AMPD1: variants seen among roughly 807,000 people sequenced by gnomAD.
The protein encoded by AMPD1 is AMP deaminase 1.
In AMPD1, 74 loss-of-function variants were observed where a neutral mutation model predicts 82.9. The observed-to-expected ratio is 0.89, with a 90% CI of 0.74 to 1.08. AMPD1 has a LOEUF of 1.08. Among genes scored for constraint, AMPD1 ranks in the 50% least tolerant of loss-of-function variants. AMPD1 has a pLI of 0.00. For missense variants in AMPD1, 881 were observed against 924.5 expected, an observed-to-expected ratio of 0.95 and a Z score of 0.61; for synonymous variants, 333 against 320.5, an observed-to-expected ratio of 1.04 and a Z score of -0.42.
At chr1:114,687,214 G>T (rs1658348594) in intron 3 of AMPD1, among the ~76,000 whole-genome samples, 1 of 152,020 alleles carries the variant, frequency 6.6e-6, no homozygotes, top group South Asian at 2.1e-4. Flanking sequence ...AGGAACTACA[G>T]AAAACACAGG....
chr1:114,684,450 G>C, intron 4 of AMPD1, 86 bp from the exon 5 acceptor site: 1 of 1,409,100 alleles, frequency 7.1e-7, no homozygotes, highest in Non-Finnish European at 9.8e-7. Flanking sequence ...GCACCTCCCA[G>C]CTCTCCTGTG....
In AMPD1 at chr1:114,673,630, C is replaced by T; in HGVS notation, c.2085+9G>A. The T allele has an allele frequency of 6.2e-7, 1 of 1,604,722 alleles. No individual in the cohort carries two copies. Among genetic ancestry groups the T allele is most frequent in the Non-Finnish European group, 8.5e-7 (1 of 1,171,570 alleles). ...ACTCAGAAGGGAAGCCATTTGAAGA[C>T]AGGTCTACCTCATGAGAAATTCCAC... On this transcript the variant is annotated intron_variant, in intron 15 of 15. Coordinates refer to ENST00000520113, the MANE Select transcript of AMPD1 (RefSeq NM_000036.3).
chr1:114,679,592 T>C lies in AMPD1; in HGVS notation c.884A>G (p.Tyr295Cys). ...TAAAATGTTTACCTTCCTGCAGTTA[T>C]AAAAATCTCGGTGGGGGTTGTTTTT... ...ELKNNPHRDF[Y>C]NCRKVDTHIH... Residue 295 changes from tyrosine (Y) to cysteine (C), a missense_variant, in exon 7 of 16, where the codon TAT becomes TGT. By Grantham distance (194) the Tyr-to-Cys change is radical. Transcript: ENST00000520113. The C allele has an allele frequency of 2.5e-6, 4 of 1,614,072 alleles. No individual in the cohort carries two copies. Among genetic ancestry groups the C allele is most frequent in the South Asian group, 1.1e-5 (1 of 91,074 alleles).
At chr1:114,677,670 A>T (rs1374254845) in intron 9 of AMPD1, among the ~76,000 whole-genome samples, 156 bp from the exon 10 acceptor site, 1 of 152,030 alleles carries the variant, frequency 6.6e-6, no homozygotes, top group Non-Finnish European at 1.5e-5. Context: ...TCTCTACCTT[A>T]GCAATAGAGG....
intron 5 of AMPD1, among the ~76,000 whole-genome samples, chr1:114,680,681 T>C (rs1268154650): frequency 6.6e-6 from 1 of 152,210 alleles, no homozygotes; most frequent in Non-Finnish European, 1.5e-5. Context: ...AAAAATAATA[T>C]ATTGGCCAGG....
At chr1:114,688,158 C>T (rs1658375142) in intron 3 of AMPD1, among the ~76,000 whole-genome samples, 2 of 151,812 alleles carry the variant, frequency 1.3e-5, no homozygotes, top group African/African-American at 2.4e-5. Context: ...GACAGACTCT[C>T]GCTCTGTCAC....
chr1:114,686,755 T>C lies in AMPD1; in HGVS notation c.371A>G (p.Tyr124Cys), dbSNP rs919263757. The change falls in exon 4 of 16, where the codon TAT becomes TGT. Residue 124 changes from tyrosine to cysteine, a missense_variant. Transcript: ENST00000520113. ...DFQRVQITGD[Y>C]ASGVTVEDFE... Reference sequence around the variant, plus strand: ...CAAGGACCAACTCACCCCAGAGGCATAGTCACCAGTAATCTGCACTCTCTG... The same window carrying C: ...CAAGGACCAACTCACCCCAGAGGCACAGTCACCAGTAATCTGCACTCTCTG... 2 of 1,613,952 alleles carry C rather than the reference T, an allele frequency of 1.2e-6. No homozygotes were observed. The highest frequency in any genetic ancestry group is 2.2e-5 in the East Asian group (1 of 44,876).
rs746197279 is a variant in AMPD1 at position 114,673,636 on chromosome 1, T to C, written c.2085+3A>G. 43 of 1,610,594 alleles carry C rather than the reference T, an allele frequency of 2.7e-5. No homozygotes were observed. In the South Asian group the frequency reaches 4.7e-4, roughly 18 times the overall value. ...AAGGGAAGCCATTTGAAGACAGGTC[T>C]ACCTCATGAGAAATTCCACACTGCA... On this transcript the variant is annotated splice_donor_region_variant and intron_variant, in intron 15 of 15. Transcript: ENST00000520113.
chr1:114,678,196 A>C, intron 8 of AMPD1, 137 bp downstream of exon 8: 2 of 1,461,378 alleles, frequency 1.4e-6, no homozygotes, highest in Non-Finnish European at 1.9e-6. Flanking sequence ...AGCAAACTTC[A>C]AAATTGTCTG....
At chr1:114,688,085 G>A (rs1462782391) in intron 3 of AMPD1, among the ~76,000 whole-genome samples, 1 of 151,944 alleles carries the variant, frequency 6.6e-6, no homozygotes, top group African/African-American at 2.4e-5. Flanking sequence ...TTCATCATTG[G>A]CCCCTCACTC....
intron 2 of AMPD1, among the ~76,000 whole-genome samples, chr1:114,692,939 C>G (rs1389375365): frequency 2.0e-5 from 3 of 151,260 alleles, no homozygotes; most frequent in African/African-American, 7.3e-5. Context: ...TCGAGACCAG[C>G]CTGGCCAACA....
At chr1:114,685,174 G>A (rs1362139131) in intron 4 of AMPD1, among the ~76,000 whole-genome samples, 1 of 152,174 alleles carries the variant, frequency 6.6e-6, no homozygotes, top group Non-Finnish European at 1.5e-5. Flanking sequence ...TTAAAGACCT[G>A]CTGTCCTTGG....
rs558478873 is a variant in AMPD1 at position 114,679,781 on chromosome 1, A to G, written c.768-73T>C. On this transcript the variant is annotated intron_variant, in intron 6 of 15. Coordinates refer to ENST00000520113, the MANE Select transcript of AMPD1 (RefSeq NM_000036.3). ...GAAAAACAGTCACAATTTCAAAACT[A>G]TCAGGACCTTTATCATTCATAGGAA... The G allele has an allele frequency of 4.9e-4, 739 of 1,520,348 alleles. 5 individuals are homozygous for G. In the South Asian group the frequency reaches 7.9e-3, roughly 16 times the overall value. The allele number at this position is 1,520,348 out of a possible 1,614,324, so 94.2% of individuals were successfully genotyped here.
In AMPD1 at chr1:114,686,826, A is replaced by T; in HGVS notation, c.300T>A (p.Asp100Glu). 1 of 1,614,098 alleles carries T rather than the reference A, an allele frequency of 6.2e-7. No homozygotes were observed. Among genetic ancestry groups the T allele is most frequent in the Non-Finnish European group, 8.5e-7 (1 of 1,179,942 alleles). Residue 100 changes from aspartate (D) to glutamate (E), a missense_variant, in exon 4 of 16, where the codon GAT (aspartate) becomes GAA (glutamate). By Grantham distance (45) the Asp-to-Glu change is conservative. Transcript: ENST00000520113. ...AGGTTGGAGATGAGGAAATGTATTCATCAATGTGGGACAGTTTGGTGGAAG... is the reference window on the plus strand; with the variant it reads ...AGGTTGGAGATGAGGAAATGTATTCTTCAATGTGGGACAGTTTGGTGGAAG... ...ETSSTKLSHI[D>E]EYISSSPTYQ...
chr1:114,677,807 T>TTCCG, intron 9 of AMPD1, 103 bp downstream of exon 9: 1 of 414,516 alleles, frequency 2.4e-6, no homozygotes, highest in Non-Finnish European at 3.6e-6. Flanking sequence ...CCCTCCTTCC[T>TTCCG]TCCTTCCTTC....
At position 114,680,242 on chromosome 1, in the gene AMPD1, T is replaced by C. The variant is rs1453001129; in HGVS notation, c.767+17A>G. 6.3e-7 allele frequency: 1 copy of C among 1,596,466 alleles called. No homozygotes were observed. On this transcript the variant is annotated intron_variant, in intron 6 of 15. Transcript: ENST00000520113. ...GTAGTACTAGTTGTTGTTGTTTAGG[T>C]CTCACTAAACACTTACACAGGTCCT... is the stretch of plus-strand genomic sequence containing the variant.
At position 114,695,397 on chromosome 1, in the gene AMPD1, A is replaced by C. The variant is rs1658645858; in HGVS notation, c.22+53T>G. 6 of 388,650 alleles carry C rather than the reference A, an allele frequency of 1.5e-5. No individual in the cohort carries two copies. The East Asian group carries it at 2.0e-4, about 13-fold the overall frequency. 24.1% of individuals were successfully genotyped at this position (388,650 alleles called of 1,614,324 possible). On this transcript the variant is annotated intron_variant, in intron 1 of 15. Transcript: ENST00000520113. ...TAGCTAAAGGAACAGTTGCTTGTCAAAAAAAAAAAAAAACAACAACAACTG... is the reference window on the plus strand; with the variant it reads ...TAGCTAAAGGAACAGTTGCTTGTCACAAAAAAAAAAAAACAACAACAACTG...
intron 7 of AMPD1, among the ~76,000 whole-genome samples, chr1:114,679,057 C>T (rs996392497): frequency 6.6e-6 from 1 of 152,168 alleles, no homozygotes; most frequent in Non-Finnish European, 1.5e-5. Context: ...ATTCCCACTT[C>T]CTTGTAATCA....
chr1:114,673,370 C>A, intron 15 of AMPD1, 98 bp from the exon 16 acceptor site: 1 of 1,369,828 alleles, frequency 7.3e-7, no homozygotes, highest in South Asian at 1.2e-5. Context: ...TTATGTTAGC[C>A]ACTGACAAAA....
Sources: gnomAD v4.1 joint callset for allele counts (sites outside exome capture counted in the v4.1 genomes callset) on GRCh38, gnomAD v4.1.1 for gene constraint, MANE v1.5 for transcripts, NCBI Gene and HGNC (gene_info 2026-07-23, HGNC 2026-07-21) for gene names.